Variants in PLD5 observed in about 807,000 individuals in gnomAD.
PLD5 encodes the protein inactive phospholipase D5.
A neutral mutation model predicts 61.1 loss-of-function variants in PLD5; 36 were observed. The ratio of observed to expected loss-of-function variants is 0.59; its 90% CI spans 0.45 to 0.78. The LOEUF (loss-of-function observed/expected upper bound fraction) is 0.78, where lower values mean the gene tolerates loss of function less well. PLD5 is among the 30% of genes least tolerant of loss of function. PLD5 has a pLI of 0.00. For missense variants in PLD5, 515 were observed against 644.4 expected (o/e 0.80, Z 2.17); for synonymous variants, 243 against 242.8 (o/e 1.00, Z -0.01).
chr1:242,441,375 T>C (rs1295445143), intron 1 of PLD5, among the ~76,000 whole-genome samples: 1 of 152,032 alleles, frequency 6.6e-6, no homozygotes, highest in African/African-American at 2.4e-5. Context: ...ATTATAAATA[T>C]CTCTATATAA....
chr1:242,468,639 G>T (rs1191072780), intron 1 of PLD5, among the ~76,000 whole-genome samples: 2 of 151,472 alleles, frequency 1.3e-5, no homozygotes, highest in Non-Finnish European at 2.9e-5. Context: ...TTTTTATGAT[G>T]GACTATTCTG....
rs949314043 is a variant in PLD5, at chr1:242,084,547, GAC to G, written c.*5305_*5306del. The G allele has an allele frequency of 6.6e-6, 1 of 152,058 alleles. No individual in the cohort carries two copies. Among genetic ancestry groups the G allele is most frequent in the African/African-American group, 2.4e-5 (1 of 41,394 alleles). The allele number at this position is 152,058 out of a possible 1,614,324, so 9.4% of individuals were successfully genotyped here. A position where few individuals can be genotyped will look rare whatever the true frequency, so the allele number is the denominator to read the frequency against. On this transcript the variant is annotated 3_prime_UTR_variant, in exon 10 of 10. Coordinates refer to ENST00000536534, the MANE Select transcript of PLD5 (RefSeq NM_001372062.1). Reference sequence around the variant, plus strand: ...GAGCCTCAGACCACTCGGCCGTCCTGACACTCTAGGCTGTCAACTTCTATGCC... The same window carrying G: ...GAGCCTCAGACCACTCGGCCGTCCTGACTCTAGGCTGTCAACTTCTATGCC...
chr1:242,126,285 C>G (rs970347825), intron 5 of PLD5, among the ~76,000 whole-genome samples: 1 of 152,240 alleles, frequency 6.6e-6, no homozygotes, highest in Non-Finnish European at 1.5e-5. Context: ...ATACCACCAT[C>G]ATTCTTCACA....
chr1:242,245,782 G>A (rs1672318705), intron 4 of PLD5, among the ~76,000 whole-genome samples: 1 of 152,130 alleles, frequency 6.6e-6, no homozygotes, highest in East Asian at 1.9e-4. Context: ...GATTTGCTGA[G>A]CAAGAAAGAC....
intron 5 of PLD5, among the ~76,000 whole-genome samples, chr1:242,216,504 A>G (rs1670203780): frequency 6.6e-6 from 1 of 152,248 alleles, no homozygotes; most frequent in Admixed American, 6.5e-5. Context: ...CCTAAGACCA[A>G]CCTTTGATCA....
chr1:242,246,947 A>G (rs1456739179), intron 4 of PLD5, among the ~76,000 whole-genome samples: 3 of 151,190 alleles, frequency 2.0e-5, no homozygotes, highest in Admixed American at 6.6e-5. Context: ...GTGGAAGCTT[A>G]TGAGTCATAG....
intron 5 of PLD5, among the ~76,000 whole-genome samples, chr1:242,202,277 T>C (rs1467731938): frequency 6.6e-6 from 1 of 152,068 alleles, no homozygotes; most frequent in Non-Finnish European, 1.5e-5. Context: ...GCCAGGTCCT[T>C]GGGTGTGTGG....
At chr1:242,257,639 C>CA (rs1673149670) in intron 4 of PLD5, among the ~76,000 whole-genome samples, 1 of 152,068 alleles carries the variant, frequency 6.6e-6, no homozygotes, top group Non-Finnish European at 1.5e-5. Context: ...GCTCTCACCA[C>CA]AAAAAATAAG....
At chr1:242,407,559 TTG>T (rs368570857) in intron 1 of PLD5, among the ~76,000 whole-genome samples, 19 of 114,232 alleles carry the variant, frequency 1.7e-4, no homozygotes, top group African/African-American at 8.1e-4. Flanking sequence ...TGTGGTTGTT[TTG>T]TTTTTTTTTT....
Position 242,417,018 on chromosome 1 carries a change from T to C in PLD5, c.190-68776A>G, listed in dbSNP as rs556413469. The stretch of plus-strand genomic sequence containing the variant: ...GGAAAGGGTAGTTAAAAAAAATCTA[T>C]AAAATATATAATATTTCAGATGGCT... On this transcript the variant is annotated intron_variant, in intron 1 of 9. Transcript: ENST00000536534. Among the ~76,000 whole-genome samples the C allele has an allele frequency of 1.4e-4, 22 of 152,304 alleles. No homozygotes were observed. The South Asian group carries it at 4.6e-3, about 32-fold the overall frequency.
intron 1 of PLD5, among the ~76,000 whole-genome samples, chr1:242,484,395 G>A (rs1667886980): frequency 6.6e-6 from 1 of 152,168 alleles, no homozygotes; most frequent in African/African-American, 2.4e-5. Flanking sequence ...CAATCCCACA[G>A]AAATACAAAC....
intron 5 of PLD5, among the ~76,000 whole-genome samples, chr1:242,191,226 T>C (rs188370838): frequency 1.3e-5 from 2 of 151,660 alleles, no homozygotes; most frequent in Admixed American, 1.3e-4. Flanking sequence ...AGAAACTACA[T>C]TGTGTTATTT....
rs1187752269 is a variant in PLD5, at chr1:242,102,440, A to C, written c.1240-1658T>G. ...CGACACCTAATACACTGTGGGTGAC[A>C]GCAAAGACATTTCAAAAGGGGTTTA... On this transcript the variant is annotated intron_variant, in intron 8 of 9. Coordinates refer to ENST00000536534, the MANE Select transcript of PLD5 (RefSeq NM_001372062.1). Among the ~76,000 whole-genome samples, 5 of 152,228 alleles carry C rather than the reference A, an allele frequency of 3.3e-5. No individual in the cohort carries two copies. The East Asian group carries it at 9.6e-4, about 29-fold the overall frequency.
In PLD5 at chr1:242,084,120, C is replaced by T. The variant is rs1406278948; in HGVS notation, c.*5734G>A. On this transcript the variant is annotated 3_prime_UTR_variant, in exon 10 of 10. Transcript: ENST00000536534. ...AAAAATAAATCACAAATAATCTTCA[C>T]CCTTACTATGATTTAATTGGACTCC... 6.6e-6 allele frequency: 1 copy of T among 152,112 alleles called. No homozygotes were observed. Among genetic ancestry groups the T allele is most frequent in the African/African-American group, 2.4e-5 (1 of 41,412 alleles). 9.4% of individuals were successfully genotyped at this position (152,112 alleles called of 1,614,324 possible). A position where few individuals can be genotyped will look rare whatever the true frequency, so the allele number is the denominator to read the frequency against.
At chr1:242,445,495 C>T (rs1558573253) in intron 1 of PLD5, among the ~76,000 whole-genome samples, 1 of 152,100 alleles carries the variant, frequency 6.6e-6, no homozygotes, top group Non-Finnish European at 1.5e-5. Flanking sequence ...GTGCCCACCA[C>T]CACACTGAGC....
chr1:242,263,521 T>C (rs1268727510), intron 4 of PLD5, among the ~76,000 whole-genome samples: 1 of 150,970 alleles, frequency 6.6e-6, no homozygotes, highest in Non-Finnish European at 1.5e-5. Context: ...ATACATGTTC[T>C]ACATACAGTA....
At chr1:242,294,387 A>G (rs567281885) in intron 2 of PLD5, among the ~76,000 whole-genome samples, 4 of 152,326 alleles carry the variant, frequency 2.6e-5, no homozygotes, top group Admixed American at 2.6e-4. Context: ...CTTTCCATCC[A>G]GGAACAATAT....
chr1:242,311,199 T>TA (rs993405081), intron 2 of PLD5, among the ~76,000 whole-genome samples: 1 of 152,022 alleles, frequency 6.6e-6, no homozygotes, highest in Non-Finnish European at 1.5e-5. Context: ...CACAAATGAC[T>TA]AAAAAAAAGT....
rs189100237 is a variant in PLD5 at position 242,494,661 on chromosome 1, A to C, written c.189+29427T>G. Among the ~76,000 whole-genome samples, 797 of 152,232 alleles carry C rather than the reference A, an allele frequency of 5.2e-3. 13 individuals are homozygous for C. The highest frequency in any genetic ancestry group is 0.018 in the African/African-American group (759 of 41,540). ...AGCCAAGGTTTATTTTATGTTCCAA[A>C]ATGACCACAAACTGTCCCAAACTCA... On this transcript the variant is annotated intron_variant, in intron 1 of 9. Transcript: ENST00000536534.
Sources: gnomAD v4.1 joint callset for allele counts (sites outside exome capture counted in the v4.1 genomes callset) on GRCh38, gnomAD v4.1.1 for gene constraint, MANE v1.5 for transcripts, NCBI Gene and HGNC (gene_info 2026-07-23, HGNC 2026-07-21) for gene names.